Variants in KCNV1 observed in about 807,000 individuals in gnomAD.
KCNV1 encodes the protein potassium voltage-gated channel modifier subfamily V member 1.
Under a neutral mutation model 36.4 loss-of-function variants are expected in KCNV1, and 2 were observed. The observed-to-expected ratio is 0.05, with a 90% CI of 0.02 to 0.17. The LOEUF is 0.17. KCNV1 is among the 10% of genes least tolerant of loss of function. The pLI, the probability that KCNV1 is intolerant of heterozygous loss-of-function variation, is 1.00. For missense variants in KCNV1, 321 were observed against 643.6 expected (o/e 0.50, Z 5.42); for synonymous variants, 280 against 261.1 (o/e 1.07, Z -0.70).
chr8:109,966,275 C>T lies in KCNV1; in HGVS notation c.*1813G>A, dbSNP rs979349820. 2 of 152,142 alleles carry T rather than the reference C, an allele frequency of 1.3e-5. No homozygotes were observed. Among genetic ancestry groups the T allele is most frequent in the Non-Finnish European group, 2.9e-5 (2 of 68,022 alleles). 9.4% of individuals were successfully genotyped at this position (152,142 alleles called of 1,614,324 possible). A position where few individuals can be genotyped will look rare whatever the true frequency, so the allele number is the denominator to read the frequency against. On this transcript the variant is annotated 3_prime_UTR_variant, in exon 4 of 4. Coordinates refer to ENST00000524391, the MANE Select transcript of KCNV1 (RefSeq NM_014379.4). ...TAAGTTTACCTTCTGTGTCTAACTT[C>T]TACTTTCCCTTCAGATTGTGGAAGG...
chr8:109,972,453 C>T lies in KCNV1; in HGVS notation c.796G>A (p.Asp266Asn), dbSNP rs1587137209. ...EFVLRFLCVRDRCRFLRKVPN... is the reference protein window; with the variant it reads ...EFVLRFLCVRNRCRFLRKVPN... Reference sequence around the variant, plus strand: ...ACCTTTCTTAGGAAGCGACACCTGTCCCGCACACACAGGAAGCGGAGGACA... The same window carrying T: ...ACCTTTCTTAGGAAGCGACACCTGTTCCGCACACACAGGAAGCGGAGGACA... The change falls in exon 3 of 4, where the codon GAC becomes AAC. Residue 266 changes from aspartate (D) to asparagine (N), a missense_variant. This residue lies in a region of KCNV1 where 141 missense variants were observed against 225.0 expected (regional missense o/e 0.63). Transcript: ENST00000524391. The surrounding 1 kb of genome is among the most constrained non-coding windows in gnomAD (Gnocchi z 5.2). 6.2e-7 allele frequency: 1 copy of T among 1,614,124 alleles called. No individual in the cohort carries two copies. The highest frequency in any genetic ancestry group is 8.5e-7 in the Non-Finnish European group (1 of 1,180,034).
rs1819931680 is a variant in KCNV1 at position 109,965,262 on chromosome 8, A to T, written c.*2826T>A. The T allele has an allele frequency of 6.6e-6, 1 of 152,248 alleles. No individual in the cohort carries two copies. The highest frequency in any genetic ancestry group is 2.1e-4 in the South Asian group (1 of 4,830). 9.4% of individuals were successfully genotyped at this position (152,248 alleles called of 1,614,324 possible). On this transcript the variant is annotated 3_prime_UTR_variant, in exon 4 of 4. Transcript: ENST00000524391. Reference sequence around the variant, plus strand: ...AAGTAGTGTTCTCTAAATAGCTTAGAGAAAGACAATAATTCAATTATTTTA... The same window carrying T: ...AAGTAGTGTTCTCTAAATAGCTTAGTGAAAGACAATAATTCAATTATTTTA...
intron 2 of KCNV1, among the ~76,000 whole-genome samples, chr8:109,973,620 A>T (rs1025400242): frequency 6.6e-6 from 1 of 152,208 alleles, no homozygotes; most frequent in Non-Finnish European, 1.5e-5. Context: ...TTTTTGGAGC[A>T]TGGCGTTTCT....
At position 109,972,230 on chromosome 8, in the gene KCNV1, T is replaced by C. The variant is rs1478779177; in HGVS notation, c.991+28A>G. ...ACGAATGCTTACATGCAATGGCAAA[T>C]TAAAAGGCATCAGTGAAATGTGAAT... is the stretch of plus-strand genomic sequence containing the variant. On this transcript the variant is annotated intron_variant, in intron 3 of 3. Coordinates refer to ENST00000524391, the MANE Select transcript of KCNV1 (RefSeq NM_014379.4). This position sits in a 1 kb window ranked among gnomAD's most constrained non-coding sequence, Gnocchi z 5.2. 1 of 1,543,002 alleles carries C rather than the reference T, an allele frequency of 6.5e-7. No individual in the cohort carries two copies. Among genetic ancestry groups the C allele is most frequent in the South Asian group, 1.3e-5 (1 of 78,658 alleles).
At chr8:109,971,826 A>G (rs1000069539) in intron 3 of KCNV1, among the ~76,000 whole-genome samples, 2 of 152,152 alleles carry the variant, frequency 1.3e-5, no homozygotes, top group African/African-American at 2.4e-5. Flanking sequence ...GCCAAGGAGC[A>G]TATGTGGCAA....
chr8:109,971,143 C>T (rs990531189), intron 3 of KCNV1, among the ~76,000 whole-genome samples: 3 of 152,058 alleles, frequency 2.0e-5, no homozygotes, highest in African/African-American at 7.2e-5. Flanking sequence ...TGATATCTAG[C>T]CAATTTGTTT....
intron 3 of KCNV1, among the ~76,000 whole-genome samples, chr8:109,971,284 T>A (rs978401553): frequency 2.6e-5 from 4 of 152,176 alleles, no homozygotes; most frequent in African/African-American, 9.7e-5. Context: ...AAATGTGTGC[T>A]CCTAGACCCG....
chr8:109,973,571 A>T (rs1157809739), intron 2 of KCNV1, among the ~76,000 whole-genome samples: 2 of 152,192 alleles, frequency 1.3e-5, no homozygotes, highest in Non-Finnish European at 2.9e-5. Flanking sequence ...TTGATAAATG[A>T]TAATGCTGCG....
chr8:109,966,570 A>T lies in KCNV1; in HGVS notation c.*1518T>A, dbSNP rs1819945830. 1 of 152,196 alleles carries T rather than the reference A, an allele frequency of 6.6e-6. No homozygotes were observed. The highest frequency in any genetic ancestry group is 1.5e-5 in the Non-Finnish European group (1 of 68,024). 9.4% of individuals were successfully genotyped at this position (152,196 alleles called of 1,614,324 possible). ...TCATTGATTTTAAGGTGCTTATTTT[A>T]AATTTTTACATATCTGAAATCCGGA... On this transcript the variant is annotated 3_prime_UTR_variant, in exon 4 of 4. Transcript: ENST00000524391.
chr8:109,974,571 G>C lies in KCNV1; in HGVS notation c.-183C>G. 1.7e-6 allele frequency: 1 copy of C among 593,162 alleles called. No homozygotes were observed. 36.7% of individuals were successfully genotyped at this position (593,162 alleles called of 1,614,324 possible). A position where few individuals can be genotyped will look rare whatever the true frequency, so the allele number is the denominator to read the frequency against. On this transcript the variant is annotated 5_prime_UTR_variant, in exon 2 of 4. Transcript: ENST00000524391. This position sits in a 1 kb window ranked among gnomAD's most constrained non-coding sequence, Gnocchi z 6.2. ...GTGCGCCTTCCTCCTCCTGCCGCTA[G>C]GGAGCCGGGAGTGCGCGGAAGCAGC...
chr8:109,974,537 C>G lies in KCNV1; in HGVS notation c.-149G>C. On this transcript the variant is annotated 5_prime_UTR_variant, in exon 2 of 4. Transcript: ENST00000524391. The surrounding 1 kb of genome is among the most constrained non-coding windows in gnomAD (Gnocchi z 6.2). The stretch of plus-strand genomic sequence containing the variant: ...GTTACCTCTCCTTGGCGCACCCTCT[C>G]CACCCGCTGTGCGCCTTCCTCCTCC... 1 of 617,550 alleles carries G rather than the reference C, an allele frequency of 1.6e-6. No individual in the cohort carries two copies. 38.3% of individuals were successfully genotyped at this position (617,550 alleles called of 1,614,324 possible). A position where few individuals can be genotyped will look rare whatever the true frequency, so the allele number is the denominator to read the frequency against.
Position 109,967,195 on chromosome 8 carries a change from A to G in KCNV1, c.*893T>C, listed in dbSNP as rs534197441. On this transcript the variant is annotated 3_prime_UTR_variant, in exon 4 of 4. Coordinates refer to ENST00000524391, the MANE Select transcript of KCNV1 (RefSeq NM_014379.4). ...CATCCAGTGATGTCATTTAACATAT[A>G]TTTCCCATTTTATGAAATAAGATTA... The G allele has an allele frequency of 4.6e-5, 7 of 152,264 alleles. No homozygotes were observed. The South Asian group carries it at 1.4e-3, about 32-fold the overall frequency. 9.4% of individuals were successfully genotyped at this position (152,264 alleles called of 1,614,324 possible). A position where few individuals can be genotyped will look rare whatever the true frequency, so the allele number is the denominator to read the frequency against.
At chr8:109,969,851 A>G (rs1226512096) in intron 3 of KCNV1, among the ~76,000 whole-genome samples, 1 of 145,796 alleles carries the variant, frequency 6.9e-6, no homozygotes, top group African/African-American at 2.8e-5. Context: ...TCTCAAAAAA[A>G]GAAAAAAAAA....
intron 3 of KCNV1, among the ~76,000 whole-genome samples, chr8:109,969,357 A>G (rs997766430): frequency 2.0e-5 from 3 of 152,202 alleles, no homozygotes; most frequent in Admixed American, 6.5e-5. Context: ...CTGCTTTCCT[A>G]TAATAACATA....
chr8:109,970,921 G>T (rs7012869), intron 3 of KCNV1, among the ~76,000 whole-genome samples: 7,469 of 152,114 alleles, frequency 0.049, 369 homozygotes, highest in African/African-American at 0.13. Flanking sequence ...AAAAGTTATT[G>T]GAAACCCCAT....
chr8:109,968,228 T>C lies in KCNV1; in HGVS notation c.1363A>G (p.Thr455Ala), dbSNP rs1217382758. The C allele has an allele frequency of 6.2e-7, 1 of 1,614,214 alleles. No individual in the cohort carries two copies. Among genetic ancestry groups the C allele is most frequent in the East Asian group, 2.2e-5 (1 of 44,874 alleles). Residue 455 changes from threonine (T) to alanine (A), a missense_variant, in exon 4 of 4, where the codon ACC becomes GCC. Thr to Ala is a moderately conservative substitution (Grantham distance 58). Around this residue, in one of 5 missense-constraint regions of KCNV1, gnomAD observed 45 missense variants for 76.8 expected, o/e 0.59. Transcript: ENST00000524391. The surrounding 1 kb of genome is among the most constrained non-coding windows in gnomAD (Gnocchi z 5.3). Reference sequence around the variant, plus strand: ...TATGAGTCAGTGGCTATATTCTTGGTAAGCTTCTTTAGGGCTTCACGCTGT... The same window carrying C: ...TATGAGTCAGTGGCTATATTCTTGGCAAGCTTCTTTAGGGCTTCACGCTGT... ...VRQREALKKL[T>A]KNIATDSYIS...
rs934088954 is a variant in KCNV1 at position 109,968,603 on chromosome 8, C to G, written c.992-4G>C. The G allele has an allele frequency of 6.4e-7, 1 of 1,570,970 alleles. No homozygotes were observed. The highest frequency in any genetic ancestry group is 1.7e-4 in the Middle Eastern group (1 of 5,844). ...GTCATCCCAAGGGAGCGTAATCCTG[C>G]AACAGAACAAATGCTGTCAGTCATT... On this transcript the variant is annotated splice_polypyrimidine_tract_variant and splice_region_variant and intron_variant, in intron 3 of 3. Coordinates refer to ENST00000524391, the MANE Select transcript of KCNV1 (RefSeq NM_014379.4). The surrounding 1 kb of genome is among the most constrained non-coding windows in gnomAD (Gnocchi z 5.3).
In KCNV1 at chr8:109,964,586, A is replaced by C. The variant is rs1292462082; in HGVS notation, c.*3502T>G. ...ATTATTCACAGTAGCAAAGACATGG[A>C]ATAAACCTAAATGCCCATCAACTGT... On this transcript the variant is annotated 3_prime_UTR_variant, in exon 4 of 4. Transcript: ENST00000524391. 1 of 152,260 alleles carries C rather than the reference A, an allele frequency of 6.6e-6. No homozygotes were observed. The highest frequency in any genetic ancestry group is 2.4e-5 in the African/African-American group (1 of 41,474). The allele number at this position is 152,260 out of a possible 1,614,324, so 9.4% of individuals were successfully genotyped here.
chr8:109,974,769 A>T lies in KCNV1; in HGVS notation c.-381T>A. Reference sequence around the variant, plus strand: ...TCGCAATTGCGATTCCCAGCCCAGGAGGTGTACAGATTGAATGACTCGCTA... The same window carrying T: ...TCGCAATTGCGATTCCCAGCCCAGGTGGTGTACAGATTGAATGACTCGCTA... On this transcript the variant is annotated 5_prime_UTR_variant, in exon 2 of 4. Coordinates refer to ENST00000524391, the MANE Select transcript of KCNV1 (RefSeq NM_014379.4). This position sits in a 1 kb window ranked among gnomAD's most constrained non-coding sequence, Gnocchi z 6.2. 4.1e-6 allele frequency: 1 copy of T among 246,418 alleles called. No homozygotes were observed. The highest frequency in any genetic ancestry group is 7.8e-6 in the Non-Finnish European group (1 of 127,454). The allele number at this position is 246,418 out of a possible 1,614,324, so 15.3% of individuals were successfully genotyped here.
Sources: gnomAD v4.1 joint callset for allele counts (sites outside exome capture counted in the v4.1 genomes callset) on GRCh38, gnomAD v4.1.1 for gene constraint, gnomAD v4.1.1 regional missense constraint, Gnocchi (gnomAD v3.1) non-coding constraint, MANE v1.5 for transcripts, NCBI Gene and HGNC (gene_info 2026-07-23, HGNC 2026-07-21) for gene names.